CDH19: variants seen among roughly 807,000 people sequenced by gnomAD.
CDH19 encodes the protein cadherin 19, also known as cadherin-19.
CDH19 carries 67 observed loss-of-function variants against 64.2 expected under a neutral mutation model. That is an observed-to-expected ratio of 1.04 (90% CI 0.86 to 1.28). The LOEUF (loss-of-function observed/expected upper bound fraction) is 1.28, where lower values mean the gene tolerates loss of function less well. Ranked by LOEUF, CDH19 falls within the 50% of genes most tolerant of loss-of-function variation. CDH19 has a pLI of 0.00. For missense variants in CDH19, 1,030 were observed against 929.0 expected (o/e 1.11, Z -1.41); for synonymous variants, 346 against 319.3 (o/e 1.08, Z -0.89).
intron 1 of CDH19, among the ~76,000 whole-genome samples, chr18:66,577,775 A>G (rs1391903308): frequency 6.6e-6 from 1 of 151,914 alleles, no homozygotes; most frequent in Non-Finnish European, 1.5e-5. Flanking sequence ...TCTATAGGTG[A>G]GATGTTTAAA....
chr18:66,573,259 A>G (rs184483394), intron 1 of CDH19, among the ~76,000 whole-genome samples: 1 of 151,830 alleles, frequency 6.6e-6, no homozygotes, highest in Admixed American at 6.6e-5. Flanking sequence ...TAATCAACAG[A>G]AAAGCCAGAG....
chr18:66,526,426 T>A lies in CDH19; in HGVS notation c.1458+3419A>T, dbSNP rs377551180. 2.4e-4 allele frequency among the ~76,000 whole-genome samples: 37 copies of A among 152,248 alleles called. No homozygotes were observed. In the East Asian group the frequency reaches 4.2e-3, roughly 17 times the overall value. On this transcript the variant is annotated intron_variant, in intron 9 of 11. Coordinates refer to ENST00000262150, the MANE Select transcript of CDH19 (RefSeq NM_021153.4). ...AGAATACTTTTACAGTACATTGCAA[T>A]AAACATTAGCATTTGAGTTTCCTTT...
chr18:66,504,788 T>A lies in CDH19; in HGVS notation c.*24A>T. 7.0e-6 allele frequency: 11 copies of A among 1,572,064 alleles called. No individual in the cohort carries two copies. Among genetic ancestry groups the A allele is most frequent in the South Asian group, 6.9e-5 (6 of 86,544 alleles). ...GGGTTCGAATACACATTAGCACTTT[T>A]AAAAATTTTGATGGTAAAAAGCCCT... is the stretch of plus-strand genomic sequence containing the variant. On this transcript the variant is annotated 3_prime_UTR_variant, in exon 12 of 12. Coordinates refer to ENST00000262150, the MANE Select transcript of CDH19 (RefSeq NM_021153.4).
chr18:66,504,942 G>C lies in CDH19; in HGVS notation c.2189C>G (p.Ala730Gly). The change falls in exon 12 of 12, where the codon GCT becomes GGT. Residue 730 changes from alanine to glycine, a missense_variant. By Grantham distance (60) the Ala-to-Gly change is moderately conservative (BLOSUM62 0). Transcript: ENST00000262150. ...TGATTCTAAGGAGCTCAGGGATCCAGCTAATGACCCTGTTCCCTCAAAAGC... is the reference window on the plus strand; with the variant it reads ...TGATTCTAAGGAGCTCAGGGATCCACCTAATGACCCTGTTCCCTCAAAAGC... ...TYAFEGTGSLAGSLSSLESAV... is the reference protein window; with the variant it reads ...TYAFEGTGSLGGSLSSLESAV... 1 of 1,613,460 alleles carries C rather than the reference G, an allele frequency of 6.2e-7. No individual in the cohort carries two copies. The highest frequency in any genetic ancestry group is 8.5e-7 in the Non-Finnish European group (1 of 1,179,710).
intron 1 of CDH19, among the ~76,000 whole-genome samples, chr18:66,576,575 C>A (rs1201450438): frequency 2.6e-5 from 4 of 151,230 alleles, no homozygotes; most frequent in African/African-American, 7.3e-5. Flanking sequence ...ATTAACAGGG[C>A]ACAACTTTTC....
chr18:66,578,843 A>G (rs1006329304), intron 1 of CDH19, among the ~76,000 whole-genome samples: 1 of 152,004 alleles, frequency 6.6e-6, no homozygotes, highest in Admixed American at 6.6e-5. Flanking sequence ...CTACTGATAC[A>G]GTAATATCCA....
rs192896257 is a variant in CDH19, at chr18:66,582,050, G to T, written c.-112-9734C>A. 3.9e-3 allele frequency among the ~76,000 whole-genome samples: 586 copies of T among 151,958 alleles called. 2 individuals are homozygous for T. The highest frequency in any genetic ancestry group is 0.01 in the Middle Eastern group (3 of 292). ...ATACACTGTACTTTATTGAATGGAA[G>T]AAAAAAATGCATAAATATCTAACAC... On this transcript the variant is annotated intron_variant, in intron 1 of 11. Transcript: ENST00000262150.
intron 3 of CDH19, among the ~76,000 whole-genome samples, chr18:66,563,262 A>C (rs1045904421): frequency 5.3e-5 from 8 of 152,102 alleles, no homozygotes; most frequent in African/African-American, 1.9e-4. Flanking sequence ...TTTGAATGCC[A>C]AGATTCCAGC....
At chr18:66,516,700 T>C (rs1023580589) in intron 9 of CDH19, among the ~76,000 whole-genome samples, 2 of 152,056 alleles carry the variant, frequency 1.3e-5, no homozygotes, top group Non-Finnish European at 2.9e-5. Flanking sequence ...GCATATGTGC[T>C]GTGAGATTGG....
chr18:66,545,448 T>C (rs553180760), intron 5 of CDH19, among the ~76,000 whole-genome samples: 36 of 151,706 alleles, frequency 2.4e-4, no homozygotes, highest in Non-Finnish European at 4.4e-4. Context: ...CCCCCATATA[T>C]AGTCTCTTTC....
At chr18:66,541,687 A>C (rs765449819) in intron 7 of CDH19, among the ~76,000 whole-genome samples, 1 of 152,304 alleles carries the variant, frequency 6.6e-6, no homozygotes, top group African/African-American at 2.4e-5. Context: ...ATATTATTTA[A>C]AAGACACTTT....
rs1000707671 is a variant in CDH19 at position 66,503,161 on chromosome 18, T to C, written c.*1651A>G. 6.6e-6 allele frequency: 1 copy of C among 151,846 alleles called. No homozygotes were observed. The highest frequency in any genetic ancestry group is 1.5e-5 in the Non-Finnish European group (1 of 67,836). The allele number at this position is 151,846 out of a possible 1,614,324, so 9.4% of individuals were successfully genotyped here. ...ACTTTCTTCCTGTTCAAACCATAAA[T>C]TTTGAAGTCTACCTTGATTTGGATA... On this transcript the variant is annotated 3_prime_UTR_variant, in exon 12 of 12. Coordinates refer to ENST00000262150, the MANE Select transcript of CDH19 (RefSeq NM_021153.4).
intron 3 of CDH19, among the ~76,000 whole-genome samples, chr18:66,564,277 TATAAC>T (rs1299264591): frequency 6.6e-6 from 1 of 151,900 alleles, no homozygotes; most frequent in Non-Finnish European, 1.5e-5. Flanking sequence ...CAGAGATCAT[TATAAC>T]ATATTATATT....
At chr18:66,587,845 C>T (rs2144618815) in intron 1 of CDH19, among the ~76,000 whole-genome samples, 1 of 152,192 alleles carries the variant, frequency 6.6e-6, no homozygotes, top group Admixed American at 6.5e-5. Flanking sequence ...GCCTAGCTCC[C>T]CGACTAACAA....
chr18:66,571,968 ATTG>A, intron 2 of CDH19, 39 bp downstream of exon 2: 1 of 1,394,978 alleles, frequency 7.2e-7, no homozygotes, highest in Non-Finnish European at 9.9e-7. Context: ...ATTTATTTAC[ATTG>A]TTGTGCTATT....
At chr18:66,578,890 C>A (rs962249654) in intron 1 of CDH19, among the ~76,000 whole-genome samples, 35 of 151,824 alleles carry the variant, frequency 2.3e-4, no homozygotes, top group Non-Finnish European at 5.9e-5. Context: ...CCAACAAATT[C>A]AGGTTGTGTG....
intron 8 of CDH19, chr18:66,532,198 C>T (rs1986472082): frequency 6.6e-6 from 1 of 151,734 alleles, no homozygotes; most frequent in Admixed American, 6.6e-5. Context: ...AACTCCTGAC[C>T]CCAGGTTATC....
intron 1 of CDH19, among the ~76,000 whole-genome samples, chr18:66,592,983 C>T (rs1018427382): frequency 2.0e-5 from 3 of 151,738 alleles, no homozygotes; most frequent in Admixed American, 6.6e-5. Flanking sequence ...AACCTTCATA[C>T]TGTTTTACAT....
At chr18:66,566,354 T>C (rs976201388) in intron 3 of CDH19, among the ~76,000 whole-genome samples, 1 of 151,288 alleles carries the variant, frequency 6.6e-6, no homozygotes, top group Non-Finnish European at 1.5e-5. Flanking sequence ...AATATTATTC[T>C]CTGGAATCAT....
Sources: allele counts gnomAD v4.1 joint callset (sites outside exome capture counted in the v4.1 genomes callset), GRCh38; gene constraint gnomAD v4.1.1; transcripts MANE v1.5; gene names NCBI Gene and HGNC (gene_info 2026-07-23, HGNC 2026-07-21).